The following DTNA variants were observed in gnomAD, a reference collection of about 807,000 sequenced individuals.
DTNA encodes the protein dystrobrevin alpha.
In DTNA, 43 loss-of-function variants were observed where a neutral mutation model predicts 100.7. That is an observed-to-expected ratio of 0.43 (90% CI 0.33 to 0.55). The LOEUF (loss-of-function observed/expected upper bound fraction) is 0.55. Among genes scored for constraint, DTNA ranks in the 20% least tolerant of loss-of-function variants. DTNA has a pLI of 0.04. For missense variants in DTNA, 798 were observed against 953.9 expected, an observed-to-expected ratio of 0.84 and a Z score of 2.15; for synonymous variants, 349 against 347.9, an observed-to-expected ratio of 1.00 and a Z score of -0.04.
chr18:34,835,319 T>A (rs1568703334), intron 11 of DTNA, among the ~76,000 whole-genome samples: 1 of 152,200 alleles, frequency 6.6e-6, no homozygotes, highest in Non-Finnish European at 1.5e-5. Context: ...TTTCCAAGAA[T>A]TATTTTTTCT....
chr18:34,748,667 G>A (rs1002646922), intron 1 of DTNA, among the ~76,000 whole-genome samples: 31 of 152,182 alleles, frequency 2.0e-4, no homozygotes, highest in Admixed American at 1.4e-3. Context: ...TGGGCTATGT[G>A]CTTATTTTTA....
intron 1 of DTNA, among the ~76,000 whole-genome samples, chr18:34,533,371 C>CA (rs574923147): frequency 0.031 from 2,619 of 85,062 alleles, 78 homozygotes; most frequent in African/African-American, 0.097. Context: ...AACTCCATCT[C>CA]AAAAAAAAAA....
intron 1 of DTNA, among the ~76,000 whole-genome samples, chr18:34,514,969 T>G (rs2041455332): frequency 6.6e-6 from 1 of 151,954 alleles, no homozygotes; most frequent in South Asian, 2.1e-4. Context: ...GTGCTGGCCT[T>G]GAAATTTTGC....
At chr18:34,846,960 G>A (rs558075288) in intron 13 of DTNA, among the ~76,000 whole-genome samples, 8 of 152,246 alleles carry the variant, frequency 5.3e-5, no homozygotes, top group South Asian at 2.1e-4. Context: ...AGGAAGAGCC[G>A]TAAGTATAAG....
At chr18:34,867,935 G>A (rs901140216) in intron 17 of DTNA, 15 of 985,276 alleles carry the variant, frequency 1.5e-5, no homozygotes, top group East Asian at 2.3e-4. Flanking sequence ...GCAATACATC[G>A]TCTGGGTAGT....
At chr18:34,764,315 A>G (rs1415181572) in intron 2 of DTNA, among the ~76,000 whole-genome samples, 2 of 152,220 alleles carry the variant, frequency 1.3e-5, no homozygotes, top group Admixed American at 1.3e-4. Flanking sequence ...AAACTTGGTG[A>G]AACTCACACA....
At chr18:34,668,093 C>G (rs912568165) in intron 1 of DTNA, among the ~76,000 whole-genome samples, 2 of 152,168 alleles carry the variant, frequency 1.3e-5, no homozygotes, top group Admixed American at 6.5e-5. Flanking sequence ...ATTATTGCCT[C>G]AATTTCAGAG....
At chr18:34,556,038 A>T (rs1055439483) in intron 1 of DTNA, among the ~76,000 whole-genome samples, 1 of 150,968 alleles carries the variant, frequency 6.6e-6, no homozygotes, top group Admixed American at 6.6e-5. Context: ...GACTTGCTTT[A>T]TGAATCTGGG....
intron 5 of DTNA, among the ~76,000 whole-genome samples, chr18:34,807,832 C>G (rs990820894): frequency 1.4e-5 from 2 of 145,844 alleles, no homozygotes; most frequent in African/African-American, 5.1e-5. Context: ...TTAGAAGGTG[C>G]TGACACCGAG....
In DTNA at chr18:34,669,979, G is replaced by T. The variant is rs2076516071; in HGVS notation, c.-1-85997G>T. On this transcript the variant is annotated intron_variant, in intron 1 of 19. Transcript: ENST00000283365. ...CTGAATTTGAATGTTGGCCTGCCTT[G>T]CTAGGTTGGGGAAGTTCTCCTGGAT... Among the ~76,000 whole-genome samples, 4 of 152,180 alleles carry T rather than the reference G, an allele frequency of 2.6e-5. 1 individual carries two copies. The South Asian group carries it at 8.3e-4, about 31-fold the overall frequency.
At chr18:34,561,263 A>G (rs1465651331) in intron 1 of DTNA, among the ~76,000 whole-genome samples, 1 of 152,194 alleles carries the variant, frequency 6.6e-6, no homozygotes, top group Non-Finnish European at 1.5e-5. Context: ...AAAATACTCC[A>G]TCTTCCTAAC....
intron 1 of DTNA, among the ~76,000 whole-genome samples, chr18:34,606,399 AATG>A (rs1270245627): frequency 6.6e-5 from 10 of 152,212 alleles, no homozygotes; most frequent in African/African-American, 2.4e-4. Flanking sequence ...CACAACAAAA[AATG>A]AGAAACTAGC....
chr18:34,815,731 C>A, intron 6 of DTNA, 178 bp from the exon 7 acceptor site: 2 of 607,352 alleles, frequency 3.3e-6, no homozygotes, highest in Non-Finnish European at 5.8e-6. Context: ...GTATAAAAAG[C>A]AAACGATGTT....
At chr18:34,669,432 G>T (rs2076428461) in intron 1 of DTNA, among the ~76,000 whole-genome samples, 1 of 152,132 alleles carries the variant, frequency 6.6e-6, no homozygotes, top group Non-Finnish European at 1.5e-5. Flanking sequence ...TTACATTTAA[G>T]GTTAATACTG....
chr18:34,712,413 T>G (rs973038965), intron 1 of DTNA, among the ~76,000 whole-genome samples: 10 of 152,142 alleles, frequency 6.6e-5, no homozygotes, highest in Non-Finnish European at 1.3e-4. Context: ...AAATCTACAG[T>G]GAGGTTGTCT....
intron 17 of DTNA, among the ~76,000 whole-genome samples, chr18:34,864,585 A>G (rs1428004471): frequency 2.0e-5 from 3 of 152,134 alleles, no homozygotes; most frequent in Admixed American, 6.5e-5. Flanking sequence ...CTGAAACCAG[A>G]CTGCTGAGGG....
At chr18:34,818,442 AG>A (rs2095641144) in intron 8 of DTNA, 112 bp downstream of exon 8, 1 of 1,545,022 alleles carries the variant, frequency 6.5e-7, no homozygotes, top group East Asian at 2.4e-5. Flanking sequence ...CTTCCATCCC[AG>A]GTCTAGTATT....
chr18:34,543,756 G>A (rs1321364900), intron 1 of DTNA, among the ~76,000 whole-genome samples: 1 of 152,048 alleles, frequency 6.6e-6, no homozygotes, highest in African/African-American at 2.4e-5. Flanking sequence ...CCACCAAATG[G>A]AAACATCATA....
intron 1 of DTNA, among the ~76,000 whole-genome samples, chr18:34,581,973 C>A (rs571738293): frequency 6.6e-6 from 1 of 152,140 alleles, no homozygotes; most frequent in African/African-American, 2.4e-5. Context: ...GAGGGACATA[C>A]AAACAATATG....
Sources: allele counts gnomAD v4.1 joint callset (sites outside exome capture counted in the v4.1 genomes callset), GRCh38; gene constraint gnomAD v4.1.1; transcripts MANE v1.5; gene names NCBI Gene and HGNC (gene_info 2026-07-23, HGNC 2026-07-21).